The following GRAMD1B variants were observed in gnomAD, a reference collection of about 807,000 sequenced individuals.
The protein encoded by GRAMD1B is protein Aster-B.
Under a neutral mutation model 99.7 loss-of-function variants are expected in GRAMD1B, and 37 were observed. The ratio of observed to expected loss-of-function variants is 0.37; its 90% confidence interval spans 0.29 to 0.49. GRAMD1B has a LOEUF of 0.49. Ranked by LOEUF, GRAMD1B falls within the 20% of genes least tolerant of loss-of-function variation. GRAMD1B has a pLI of 0.98. For synonymous variants in GRAMD1B, 427 were observed against 387.6 expected (o/e 1.10, Z -1.19); for missense variants, 888 against 1,009.2 (o/e 0.88, Z 1.63).
intron 1 of GRAMD1B, among the ~76,000 whole-genome samples, chr11:123,396,180 TTTTTC>T (rs1217570643): frequency 2.0e-5 from 3 of 151,380 alleles, no homozygotes; most frequent in African/African-American, 4.8e-5. Flanking sequence ...ATTTTTTTCT[TTTTTC>T]TTTTCTTTTC....
intron 2 of GRAMD1B, among the ~76,000 whole-genome samples, chr11:123,513,515 T>TTTCCTTCC (rs58960047): frequency 2.6e-4 from 37 of 144,950 alleles, no homozygotes; most frequent in African/African-American, 8.5e-4. Context: ...TCTTTCTTTC[T>TTTCCTTCC]TTCCTTCCTT....
At chr11:123,592,827 G>T (rs981337656) in intron 4 of GRAMD1B, among the ~76,000 whole-genome samples, 1 of 152,144 alleles carries the variant, frequency 6.6e-6, no homozygotes, top group East Asian at 1.9e-4. Context: ...GCCGTGCGTG[G>T]CTCGTCCCAG....
At chr11:123,407,542 G>A (rs1405127038) in intron 1 of GRAMD1B, among the ~76,000 whole-genome samples, 1 of 152,100 alleles carries the variant, frequency 6.6e-6, no homozygotes, top group Non-Finnish European at 1.5e-5. Context: ...TGGACATCTG[G>A]AATCATCCTG....
chr11:123,513,578 T>TTTCCTTCCTTCC (rs779709381), intron 2 of GRAMD1B, among the ~76,000 whole-genome samples: 2,793 of 41,580 alleles, frequency 0.067, 244 homozygotes, highest in East Asian at 0.18. Context: ...CCTTCCTTCC[T>TTTCCTTCCTTCC]TTCCTTCCTT....
intron 1 of GRAMD1B, among the ~76,000 whole-genome samples, chr11:123,398,749 A>T (rs577503143): frequency 6.6e-6 from 1 of 152,260 alleles, no homozygotes; most frequent in East Asian, 1.9e-4. Context: ...ATATCTTATT[A>T]AAAAACAACT....
At chr11:123,469,475 T>C (rs1436324983) in intron 1 of GRAMD1B, among the ~76,000 whole-genome samples, 4 of 152,098 alleles carry the variant, frequency 2.6e-5, no homozygotes, top group Non-Finnish European at 5.9e-5. Context: ...ACTAAAGAAG[T>C]AAGGTCTGTA....
At position 123,492,863 on chromosome 11, in the gene GRAMD1B, CAT is replaced by C. The variant is rs140985886; in HGVS notation, c.452+11972_452+11973del. Among the ~76,000 whole-genome samples the C allele has an allele frequency of 2.6e-4, 36 of 137,542 alleles. No homozygotes were observed. Among genetic ancestry groups the C allele is most frequent in the Middle Eastern group, 3.6e-3 (1 of 274 alleles). 90.2% of individuals were successfully genotyped at this position (137,542 alleles called of 152,430 possible). A position where few individuals can be genotyped will look rare whatever the true frequency, so the allele number is the denominator to read the frequency against. The stretch of plus-strand genomic sequence containing the variant: ...TCTCTCTCTGTCTCTCTCTTTCACA[CAT>C]ACACACACACACACACACACACACA... On this transcript the variant is annotated intron_variant, in intron 2 of 19. Transcript: ENST00000635736. The surrounding 1 kb of genome is among the most constrained non-coding windows in gnomAD (Gnocchi z 4.2).
At chr11:123,441,296 C>T (rs60581103) in intron 1 of GRAMD1B, among the ~76,000 whole-genome samples, 5,068 of 152,208 alleles carry the variant, frequency 0.033, 115 homozygotes, top group Middle Eastern at 0.099. Context: ...TCCTCCCCCA[C>T]AGCCCAAACA....
chr11:123,563,179 G>A (rs1201545663), intron 2 of GRAMD1B, among the ~76,000 whole-genome samples: 2 of 152,322 alleles, frequency 1.3e-5, no homozygotes, highest in East Asian at 1.9e-4. Context: ...TTGTTCTATG[G>A]CTCACAAGGG....
At chr11:123,583,036 ATG>A (rs1949567045) in intron 3 of GRAMD1B, among the ~76,000 whole-genome samples, 1 of 147,468 alleles carries the variant, frequency 6.8e-6, no homozygotes, top group Non-Finnish European at 1.5e-5. Context: ...GTGTGAATGT[ATG>A]TGTGTATATA....
chr11:123,608,342 T>A (rs1953029728), intron 11 of GRAMD1B: 1 of 673,018 alleles, frequency 1.5e-6, no homozygotes, highest in South Asian at 2.1e-5. Flanking sequence ...GTCATTTATT[T>A]GAATTTTAGT....
At chr11:123,460,869 C>T (rs79030460) in intron 1 of GRAMD1B, among the ~76,000 whole-genome samples, 3,413 of 152,176 alleles carry the variant, frequency 0.022, 102 homozygotes, top group East Asian at 0.066. Context: ...TTCCTTTGTC[C>T]CTTTAGGACC....
At chr11:123,359,906 G>A (rs540970673) in intron 1 of GRAMD1B, among the ~76,000 whole-genome samples, 1 of 152,286 alleles carries the variant, frequency 6.6e-6, no homozygotes, top group African/African-American at 2.4e-5. Context: ...TCACCTTTTG[G>A]AGATACAAAT....
At chr11:123,405,256 G>A (rs1253117301) in intron 1 of GRAMD1B, among the ~76,000 whole-genome samples, 1 of 151,854 alleles carries the variant, frequency 6.6e-6, no homozygotes, top group Non-Finnish European at 1.5e-5. Flanking sequence ...ACAGCCTTAA[G>A]ACTGTCTAGC....
chr11:123,386,096 G>A (rs912248632), intron 1 of GRAMD1B, among the ~76,000 whole-genome samples: 5 of 152,178 alleles, frequency 3.3e-5, no homozygotes, highest in Admixed American at 6.5e-5. Flanking sequence ...TGTGGGCCTT[G>A]AGCAGGTTAT....
intron 1 of GRAMD1B, among the ~76,000 whole-genome samples, chr11:123,462,596 CT>C (rs1565519092): frequency 6.6e-6 from 1 of 152,192 alleles, no homozygotes; most frequent in African/African-American, 2.4e-5. Context: ...CGCTCCAGCA[CT>C]GGAGTGTGCT....
At chr11:123,378,837 T>A (rs566905030) in intron 1 of GRAMD1B, among the ~76,000 whole-genome samples, 11 of 152,374 alleles carry the variant, frequency 7.2e-5, no homozygotes, top group African/African-American at 2.6e-4. Flanking sequence ...CATTAATTTT[T>A]AAATTATTTT....
At chr11:123,612,935 C>CCCCTG in intron 15 of GRAMD1B, 71 bp downstream of exon 15, 3 of 828,442 alleles carry the variant, frequency 3.6e-6, no homozygotes, top group Non-Finnish European at 6.1e-6. Flanking sequence ...GCCCACCATT[C>CCCCTG]AGGGGAATGG....
intron 1 of GRAMD1B, 26 bp from the exon 2 acceptor site, chr11:123,480,790 G>A (rs963848136): frequency 3.0e-5 from 12 of 398,816 alleles, no homozygotes; most frequent in East Asian, 2.1e-4. Context: ...TGAAGTTAAC[G>A]GTTGATATCC....
Sources: allele counts gnomAD v4.1 joint callset (sites outside exome capture counted in the v4.1 genomes callset), GRCh38; gene constraint gnomAD v4.1.1; non-coding constraint Gnocchi (gnomAD v3.1); transcripts MANE v1.5; gene names NCBI Gene and HGNC (gene_info 2026-07-23, HGNC 2026-07-21).